Variants in NRXN3 observed in about 807,000 individuals in gnomAD.
NRXN3 encodes the protein neurexin 3.
NRXN3 carries 32 observed loss-of-function variants against 137.6 expected under a neutral mutation model. The observed-to-expected ratio is 0.23, with a 90% CI of 0.18 to 0.31. The LOEUF is 0.31. NRXN3 is among the 10% of genes least tolerant of loss of function. NRXN3 has a pLI of 1.00. For missense variants in NRXN3, 1,574 were observed against 2,062.5 expected (o/e 0.76, Z 4.59); for synonymous variants, 798 against 784.5 (o/e 1.02, Z -0.29).
intron 6 of NRXN3, among the ~76,000 whole-genome samples, chr14:78,664,847 A>G (rs1438995287): frequency 6.6e-6 from 1 of 152,234 alleles, no homozygotes; most frequent in Non-Finnish European, 1.5e-5. Flanking sequence ...ATAGGTCCTG[A>G]CACATGAATA....
At chr14:78,334,584 G>C (rs1476461094) in intron 4 of NRXN3, among the ~76,000 whole-genome samples, 2 of 152,146 alleles carry the variant, frequency 1.3e-5, no homozygotes, top group African/African-American at 4.8e-5. Context: ...GTGTGTGCGT[G>C]TTTGTTTTTT....
chr14:78,918,277 C>A (rs2099261551), intron 10 of NRXN3, among the ~76,000 whole-genome samples: 1 of 103,784 alleles, frequency 9.6e-6, no homozygotes, highest in South Asian at 3.3e-4. Context: ...AAGAGCGAAA[C>A]TCCATCTCAA....
chr14:79,830,347 G>A (rs949454992), intron 20 of NRXN3, among the ~76,000 whole-genome samples: 1 of 152,166 alleles, frequency 6.6e-6, no homozygotes, highest in Non-Finnish European at 1.5e-5. Flanking sequence ...TTGAGAAGTG[G>A]ACTTGACTCT....
chr14:78,235,846 T>C (rs185858610), intron 1 of NRXN3, among the ~76,000 whole-genome samples: 2 of 152,282 alleles, frequency 1.3e-5, no homozygotes, highest in African/African-American at 4.8e-5. Flanking sequence ...AGAAGGGTGG[T>C]ATTCCTAGAC....
At chr14:79,691,756 A>G (rs189036279) in intron 17 of NRXN3, among the ~76,000 whole-genome samples, 1 of 152,188 alleles carries the variant, frequency 6.6e-6, no homozygotes, top group Admixed American at 6.5e-5. Context: ...GTAGATTAAT[A>G]GTGCAGCTTG....
chr14:79,770,230 A>T (rs2099072554), intron 19 of NRXN3, among the ~76,000 whole-genome samples: 1 of 152,178 alleles, frequency 6.6e-6, no homozygotes, highest in Non-Finnish European at 1.5e-5. Context: ...CAGAAAGTCA[A>T]CAAGGATACC....
chr14:79,285,944 T>G (rs925441446), intron 15 of NRXN3, among the ~76,000 whole-genome samples: 6 of 144,898 alleles, frequency 4.1e-5, no homozygotes, highest in African/African-American at 1.3e-4. Flanking sequence ...GACTCAAACT[T>G]TCACAGCAGA....
At chr14:78,300,685 A>G (rs1458088507) in intron 4 of NRXN3, 3 of 1,530,054 alleles carry the variant, frequency 2.0e-6, no homozygotes. Flanking sequence ...TGTAGGTAGA[A>G]GTAAAGGTAG....
At chr14:79,147,733 T>C (rs891179897) in intron 15 of NRXN3, among the ~76,000 whole-genome samples, 1 of 152,114 alleles carries the variant, frequency 6.6e-6, no homozygotes, top group East Asian at 1.9e-4. Flanking sequence ...GGGGTCCTTT[T>C]TGAAGTGACC....
intron 1 of NRXN3, among the ~76,000 whole-genome samples, chr14:78,239,835 G>A (rs2066850572): frequency 6.6e-6 from 1 of 152,104 alleles, no homozygotes; most frequent in Non-Finnish European, 1.5e-5. Flanking sequence ...AGCCTCTCGA[G>A]TAGCTGGGAT....
intron 15 of NRXN3, among the ~76,000 whole-genome samples, chr14:79,388,810 G>A (rs551604533): frequency 6.6e-6 from 1 of 152,230 alleles, no homozygotes; most frequent in South Asian, 2.1e-4. Flanking sequence ...CATAATGCCC[G>A]AATGTTGTAG....
intron 4 of NRXN3, among the ~76,000 whole-genome samples, chr14:78,356,395 G>T (rs942135205): frequency 2.0e-5 from 3 of 152,186 alleles, no homozygotes; most frequent in African/African-American, 7.2e-5. Flanking sequence ...ACATCCACAA[G>T]GAACCAAATA....
intron 9 of NRXN3, among the ~76,000 whole-genome samples, chr14:78,807,584 A>G (rs1465695305): frequency 2.0e-5 from 3 of 151,658 alleles, no homozygotes; most frequent in African/African-American, 7.3e-5. Flanking sequence ...AAAATACAAA[A>G]ATTACCTGGG....
intron 6 of NRXN3, among the ~76,000 whole-genome samples, chr14:78,676,262 T>A (rs2098004907): frequency 6.6e-6 from 1 of 152,210 alleles, no homozygotes; most frequent in Non-Finnish European, 1.5e-5. Context: ...AAGCTAGGCC[T>A]TTTAGGCCTA....
intron 6 of NRXN3, among the ~76,000 whole-genome samples, chr14:78,683,971 G>A (rs2098101910): frequency 6.6e-6 from 1 of 152,122 alleles, no homozygotes; most frequent in African/African-American, 2.4e-5. Flanking sequence ...CCATTTTTAA[G>A]GATGGTTTAC....
chr14:79,398,874 G>C (rs571687574), intron 15 of NRXN3, among the ~76,000 whole-genome samples: 1 of 152,090 alleles, frequency 6.6e-6, no homozygotes, highest in South Asian at 2.1e-4. Context: ...GTCAGGCATG[G>C]TGGTACATGC....
chr14:78,398,536 T>C (rs1405124766), intron 4 of NRXN3, among the ~76,000 whole-genome samples: 1 of 152,132 alleles, frequency 6.6e-6, no homozygotes, highest in African/African-American at 2.4e-5. Flanking sequence ...CTTGTTACTG[T>C]TGGGCAGAGT....
At chr14:78,550,043 T>G (rs1202417443) in intron 4 of NRXN3, among the ~76,000 whole-genome samples, 1 of 150,840 alleles carries the variant, frequency 6.6e-6, no homozygotes, top group East Asian at 1.9e-4. Context: ...TTTTTTTTTT[T>G]TTTTTTTTGA....
At position 79,135,041 on chromosome 14, in the gene NRXN3, A is replaced by G. The variant is rs1392375864; in HGVS notation, c.3262+146900A>G. Among the ~76,000 whole-genome samples the G allele has an allele frequency of 5.9e-5, 9 of 152,352 alleles. 1 individual carries two copies. The highest frequency in any genetic ancestry group is 4.6e-4 in the Admixed American group (7 of 15,298). On this transcript the variant is annotated intron_variant, in intron 15 of 20. Transcript: ENST00000335750. The stretch of plus-strand genomic sequence containing the variant: ...TGCCACTAAGGCTAAAACACCACTG[A>G]TAATTTTTACTCTCTCTTGTATATG...
Sources: allele counts gnomAD v4.1 joint callset (sites outside exome capture counted in the v4.1 genomes callset), GRCh38; gene constraint gnomAD v4.1.1; transcripts MANE v1.5; gene names NCBI Gene and HGNC (gene_info 2026-07-23, HGNC 2026-07-21).